HDLBP: variants seen among roughly 807,000 people sequenced by gnomAD.
HDLBP encodes vigilin.
In HDLBP, 30 loss-of-function variants were observed where a neutral mutation model predicts 137.3. The observed-to-expected ratio is 0.22, with a 90% confidence interval of 0.16 to 0.30. The LOEUF (loss-of-function observed/expected upper bound fraction) is 0.30. Ranked by LOEUF, HDLBP falls within the 10% of genes least tolerant of loss-of-function variation. HDLBP has a pLI of 1.00. For synonymous variants in HDLBP, 606 were observed against 596.0 expected (o/e 1.02, Z -0.24); for missense variants, 1,119 against 1,667.3 (o/e 0.67, Z 5.73).
chr2:241,232,307 A>C (rs2069862458), intron 24 of HDLBP, among the ~76,000 whole-genome samples: 1 of 147,180 alleles, frequency 6.8e-6, no homozygotes, highest in East Asian at 2.0e-4. Context: ...ACAGAGTCTC[A>C]CTCTGTCGCC....
intron 1 of HDLBP, among the ~76,000 whole-genome samples, chr2:241,308,443 A>G (rs958926303): frequency 9.2e-5 from 14 of 152,238 alleles, no homozygotes; most frequent in African/African-American, 3.4e-4. Flanking sequence ...ATTAAAAAGG[A>G]CATCTTTTGC....
chr2:241,238,537 A>T lies in HDLBP; in HGVS notation c.2749+112T>A. ...CTCTGGAAGCCCCCAGAATACATAG[A>T]TGGTTTTCCAGCAGAGACAGGAAAG... On this transcript the variant is annotated intron_variant, in intron 20 of 27. Transcript: ENST00000310931. The surrounding 1 kb of genome is among the most constrained non-coding windows in gnomAD (Gnocchi z 4.9). 1 of 863,486 alleles carries T rather than the reference A, an allele frequency of 1.2e-6. No individual in the cohort carries two copies. 53.5% of individuals were successfully genotyped at this position (863,486 alleles called of 1,614,324 possible). A position where few individuals can be genotyped will look rare whatever the true frequency, so the allele number is the denominator to read the frequency against.
chr2:241,284,142 C>G (rs2074716830), intron 1 of HDLBP, among the ~76,000 whole-genome samples: 1 of 152,180 alleles, frequency 6.6e-6, no homozygotes, highest in Non-Finnish European at 1.5e-5. Context: ...TGCCTGCTAA[C>G]AGCCATTCTG....
Position 241,272,845 on chromosome 2 carries a change from CG to C in HDLBP, c.-102-4305del, listed in dbSNP as rs964427775. On this transcript the variant is annotated intron_variant, in intron 1 of 27. Coordinates refer to ENST00000310931, the MANE Select transcript of HDLBP (RefSeq NM_005336.6). This position sits in a 1 kb window ranked among gnomAD's most constrained non-coding sequence, Gnocchi z 5.6. ...CCGGGACGCTCCGAGGCGCGGCGCC[CG>C]GGCCCCGGCTGCTATATAGGGCGGC... 2.4e-5 allele frequency: 7 copies of C among 291,356 alleles called. No homozygotes were observed. The highest frequency in any genetic ancestry group is 1.8e-4 in the East Asian group (1 of 5,698). The allele number at this position is 291,356 out of a possible 1,614,324, so 18.0% of individuals were successfully genotyped here. A position where few individuals can be genotyped will look rare whatever the true frequency, so the allele number is the denominator to read the frequency against.
At chr2:241,242,341 A>G in intron 17 of HDLBP, 119 bp downstream of exon 17, 1 of 793,834 alleles carries the variant, frequency 1.3e-6, no homozygotes, top group Non-Finnish European at 2.1e-6. Context: ...TACATTATAG[A>G]GCTGTTTTCT....
chr2:241,247,395 C>G, intron 14 of HDLBP: 1 of 501,582 alleles, frequency 2.0e-6, no homozygotes, highest in South Asian at 2.1e-5. Flanking sequence ...AGGATCAGAG[C>G]TGGTTAAGGA....
chr2:241,286,725 C>T (rs2074826285), intron 1 of HDLBP, among the ~76,000 whole-genome samples: 1 of 152,054 alleles, frequency 6.6e-6, no homozygotes, highest in Non-Finnish European at 1.5e-5. Flanking sequence ...TGAGACTTGT[C>T]AGATTTCCTG....
chr2:241,266,640 C>G, intron 3 of HDLBP, 154 bp downstream of exon 3: 1 of 622,848 alleles, frequency 1.6e-6, no homozygotes, highest in Non-Finnish European at 2.9e-6. Flanking sequence ...GCACGCACAG[C>G]AATGCGAAAA....
chr2:241,314,098 TTGA>T (rs1559565586), intron 1 of HDLBP, among the ~76,000 whole-genome samples: 1 of 152,208 alleles, frequency 6.6e-6, no homozygotes, highest in African/African-American at 2.4e-5. Context: ...ACTTGATAGG[TTGA>T]TGTTTCAGAC....
At chr2:241,295,886 A>G (rs766824435) in intron 1 of HDLBP, among the ~76,000 whole-genome samples, 2 of 152,150 alleles carry the variant, frequency 1.3e-5, no homozygotes, top group African/African-American at 4.8e-5. Flanking sequence ...TCTCTCTCCT[A>G]TCCCCCAGAG....
rs761382774 is a variant in HDLBP, at chr2:241,231,504, CA to C, written c.3289-561del. ...CAGAACGAAAAAGGACATTTGTCCT[CA>C]AAGACAAAGGAGAGACACTAACAGG... is the stretch of plus-strand genomic sequence containing the variant. On this transcript the variant is annotated intron_variant, in intron 24 of 27. Transcript: ENST00000310931. 1.4e-4 allele frequency among the ~76,000 whole-genome samples: 22 copies of C among 152,202 alleles called. 1 individual carries two copies. The highest frequency in any genetic ancestry group is 2.9e-4 in the Non-Finnish European group (20 of 68,010).
At chr2:241,241,979 A>T (rs1244463411) in intron 17 of HDLBP, among the ~76,000 whole-genome samples, 1 of 152,098 alleles carries the variant, frequency 6.6e-6, no homozygotes, top group Admixed American at 6.5e-5. Flanking sequence ...TAGAACAGCC[A>T]AAGTTAAGAG....
At chr2:241,303,023 G>A (rs1406517336) in intron 1 of HDLBP, among the ~76,000 whole-genome samples, 1 of 152,194 alleles carries the variant, frequency 6.6e-6, no homozygotes, top group South Asian at 2.1e-4. Flanking sequence ...GGACTAACAC[G>A]CAGCACAACC....
At chr2:241,235,916 T>C (rs6437249) in intron 21 of HDLBP, among the ~76,000 whole-genome samples, 108,437 of 151,774 alleles carry the variant, frequency 0.71, 38,991 homozygotes, top group East Asian at 0.94. Flanking sequence ...CTTTGACCGA[T>C]GCCCATGAGG....
intron 1 of HDLBP, among the ~76,000 whole-genome samples, chr2:241,305,829 G>C (rs546955060): frequency 2.0e-5 from 3 of 148,870 alleles, no homozygotes; most frequent in Admixed American, 1.4e-4. Flanking sequence ...GCGTGATCTC[G>C]GCTCACTGCA....
intron 4 of HDLBP, among the ~76,000 whole-genome samples, chr2:241,263,805 T>C (rs3755324): frequency 0.32 from 48,224 of 151,872 alleles, 8,395 homozygotes; most frequent in East Asian, 0.51. Flanking sequence ...GGATAATGAA[T>C]AGAGAACAGA....
chr2:241,274,734 C>A (rs1384163334), intron 1 of HDLBP, among the ~76,000 whole-genome samples: 1 of 152,206 alleles, frequency 6.6e-6, no homozygotes, highest in Non-Finnish European at 1.5e-5. Flanking sequence ...TGCTCACAAC[C>A]AGCATTTCCT....
chr2:241,285,740 A>C (rs1040184488), intron 1 of HDLBP, among the ~76,000 whole-genome samples: 51 of 152,240 alleles, frequency 3.3e-4, no homozygotes, highest in African/African-American at 1.2e-3. Flanking sequence ...TGCCTTAAAA[A>C]AATTATGGCT....
At position 241,247,994 on chromosome 2, in the gene HDLBP, C is replaced by T; in HGVS notation, c.1731+9G>A. 1 of 1,594,584 alleles carries T rather than the reference C, an allele frequency of 6.3e-7. No homozygotes were observed. Among genetic ancestry groups the T allele is most frequent in the Non-Finnish European group, 8.6e-7 (1 of 1,162,206 alleles). On this transcript the variant is annotated intron_variant, in intron 14 of 27. Coordinates refer to ENST00000310931, the MANE Select transcript of HDLBP (RefSeq NM_005336.6). ...CTGTCATACAAGAAAGGATGTGAAA[C>T]ACCCCTACCAGATCTGCCACCATCT... is the stretch of plus-strand genomic sequence containing the variant.
Sources: gnomAD v4.1 joint callset for allele counts (sites outside exome capture counted in the v4.1 genomes callset) on GRCh38, gnomAD v4.1.1 for gene constraint, Gnocchi (gnomAD v3.1) non-coding constraint, MANE v1.5 for transcripts, NCBI Gene and HGNC (gene_info 2026-07-23, HGNC 2026-07-21) for gene names.